ZC3H14: variants seen among roughly 807,000 people sequenced by gnomAD.
ZC3H14 encodes the protein zinc finger CCCH-type containing 14, also known as zinc finger CCCH domain-containing protein 14.
In ZC3H14, 31 loss-of-function variants were observed where a neutral mutation model predicts 92.4. The ratio of observed to expected loss-of-function variants is 0.34; its 90% CI spans 0.25 to 0.45. The LOEUF (loss-of-function observed/expected upper bound fraction) is 0.45, where lower values mean the gene tolerates loss of function less well. Ranked by LOEUF, ZC3H14 falls within the 20% of genes least tolerant of loss-of-function variation. The pLI, the probability that ZC3H14 is intolerant of heterozygous loss-of-function variation, is 1.00. For synonymous variants in ZC3H14, 321 were observed against 300.9 expected, an observed-to-expected ratio of 1.07 and a Z score of -0.69; for missense variants, 781 against 897.3, an observed-to-expected ratio of 0.87 and a Z score of 1.66.
rs2090101080 is a variant in ZC3H14 at position 88,627,594 on chromosome 14, C to T, written c.*15843C>T. Reference sequence around the variant, plus strand: ...ACAAATATTAAATACAGAATTCCTACTACCTTTGTATTCTTGTTTTTTTAA... The same window carrying T: ...ACAAATATTAAATACAGAATTCCTATTACCTTTGTATTCTTGTTTTTTTAA... On this transcript the variant is annotated 3_prime_UTR_variant, in exon 17 of 17. Transcript: ENST00000251038. The T allele has an allele frequency of 6.6e-7, 1 of 1,519,696 alleles. No individual in the cohort carries two copies. The highest frequency in any genetic ancestry group is 8.9e-7 in the Non-Finnish European group (1 of 1,129,930). 94.1% of individuals were successfully genotyped at this position (1,519,696 alleles called of 1,614,324 possible). A position where few individuals can be genotyped will look rare whatever the true frequency, so the allele number is the denominator to read the frequency against.
intron 10 of ZC3H14, among the ~76,000 whole-genome samples, chr14:88,597,091 C>G (rs540936292): frequency 4.6e-5 from 7 of 152,130 alleles, no homozygotes; most frequent in Admixed American, 2.0e-4. Flanking sequence ...GAGTGACCTG[C>G]GTTTCTGATT....
At position 88,596,821 on chromosome 14, in the gene ZC3H14, T is replaced by G; in HGVS notation, c.1354+13T>G. ...CAGATGAGTCAAGGTTGGTAATGTT[T>G]CAAGTTGTACTGTAATCCAGCCATT... On this transcript the variant is annotated intron_variant, in intron 10 of 16. Coordinates refer to ENST00000251038, the MANE Select transcript of ZC3H14 (RefSeq NM_024824.5). 3.7e-6 allele frequency: 6 copies of G among 1,612,216 alleles called. No individual in the cohort carries two copies. In the African/African-American group the frequency reaches 6.7e-5, roughly 18 times the overall value.
In ZC3H14 at chr14:88,572,760, A is replaced by G. The variant is rs748630899; in HGVS notation, c.614A>G (p.Tyr205Cys). 3 of 1,614,196 alleles carry G rather than the reference A, an allele frequency of 1.9e-6. No individual in the cohort carries two copies. Among genetic ancestry groups the G allele is most frequent in the South Asian group, 2.2e-5 (2 of 91,084 alleles). The change falls in exon 6 of 17, where the codon TAT becomes TGT. Residue 205 changes from tyrosine to cysteine, a missense_variant. Physicochemically the swap from Tyr to Cys is radical, Grantham distance 194. Transcript: ENST00000251038. ...SQKKPTVTLT[Y>C]GSSRPSIEIY... ...AAAAAACCTACAGTGACACTTACAT[A>G]TGGTTCTTCTCGCCCTTCTATTGAA... is the stretch of plus-strand genomic sequence containing the variant.
rs1300835601 is a variant in ZC3H14 at position 88,616,458 on chromosome 14, C to A, written c.*4707C>A. The A allele has an allele frequency of 4.9e-6, 3 of 613,544 alleles. No homozygotes were observed. The highest frequency in any genetic ancestry group is 8.4e-6 in the Non-Finnish European group (3 of 355,970). 38.0% of individuals were successfully genotyped at this position (613,544 alleles called of 1,614,324 possible). A position where few individuals can be genotyped will look rare whatever the true frequency, so the allele number is the denominator to read the frequency against. The stretch of plus-strand genomic sequence containing the variant: ...CTCCAGGTACTCTGACCATTTTTCT[C>A]TAAGGAAAAGCATTTGAAATTTGAT... On this transcript the variant is annotated 3_prime_UTR_variant, in exon 17 of 17. Coordinates refer to ENST00000251038, the MANE Select transcript of ZC3H14 (RefSeq NM_024824.5).
intron 9 of ZC3H14, among the ~76,000 whole-genome samples, chr14:88,588,748 T>G (rs1465718548): frequency 2.0e-5 from 3 of 152,204 alleles, no homozygotes; most frequent in Non-Finnish European, 2.9e-5. Context: ...TTCTGTTAGT[T>G]GGATGATAAG....
intron 3 of ZC3H14, 41 bp downstream of exon 3, chr14:88,568,194 A>G: frequency 6.5e-7 from 1 of 1,541,024 alleles, no homozygotes; most frequent in Non-Finnish European, 9.0e-7. Context: ...AAAGTTTGGC[A>G]CAAGCCTGAG....
At chr14:88,563,556 C>G (rs2079161042) in intron 1 of ZC3H14, 95 bp from the exon 2 acceptor site, 2 of 1,581,680 alleles carry the variant, frequency 1.3e-6, no homozygotes, top group Non-Finnish European at 1.7e-6. Flanking sequence ...ATCCGAGGTG[C>G]GCGCACCAGC....
chr14:88,574,628 C>T (rs2080927067), intron 6 of ZC3H14, 65 bp from the exon 7 acceptor site: 2 of 1,588,166 alleles, frequency 1.3e-6, no homozygotes, highest in Non-Finnish European at 8.6e-7. Context: ...AAAATGGAAA[C>T]ATTTTGTGGT....
chr14:88,608,235 A>T, intron 13 of ZC3H14: 1 of 437,228 alleles, frequency 2.3e-6, no homozygotes, highest in Admixed American at 2.4e-5. Flanking sequence ...TACCATCCCC[A>T]TCTCACCCTG....
intron 3 of ZC3H14, among the ~76,000 whole-genome samples, chr14:88,568,663 T>G (rs2080005495): frequency 6.6e-6 from 1 of 152,150 alleles, no homozygotes; most frequent in South Asian, 2.1e-4. Flanking sequence ...AGCCAAACCT[T>G]ATCAGCCTCT....
chr14:88,593,751 A>G (rs1233229537), intron 9 of ZC3H14, among the ~76,000 whole-genome samples: 2 of 152,210 alleles, frequency 1.3e-5, no homozygotes, highest in Non-Finnish European at 2.9e-5. Context: ...CTAAACTTCA[A>G]AACTCTTAGG....
At chr14:88,609,825 A>G (rs2086247810) in intron 15 of ZC3H14, 22 bp downstream of exon 15, 4 of 1,608,464 alleles carry the variant, frequency 2.5e-6, no homozygotes, top group Non-Finnish European at 2.6e-6. Context: ...TATTTTCTCA[A>G]ATCAATTTAG....
chr14:88,574,823 G>A lies in ZC3H14; in HGVS notation c.992G>A (p.Ser331Asn), dbSNP rs762223196. ...TCTCGAACAGGAAGCATCTCCAGCA[G>A]TGTGTCTGTGCCTGCAAAGCCTGAA... ...YGSRTGSISSSVSVPAKPERR... is the reference protein window; with the variant it reads ...YGSRTGSISSNVSVPAKPERR... The change falls in exon 7 of 17, where the codon AGT becomes AAT. Residue 331 changes from serine (S) to asparagine (N), a missense_variant. Ser to Asn is a conservative substitution (Grantham distance 46). Around this residue, in one of 3 missense-constraint regions of ZC3H14, gnomAD observed 454 missense variants for 438.5 expected, o/e 1.04. Transcript: ENST00000251038. The A allele has an allele frequency of 1.9e-6, 3 of 1,614,214 alleles. No individual in the cohort carries two copies.
At chr14:88,601,544 TGG>T (rs1255816707) in intron 10 of ZC3H14, among the ~76,000 whole-genome samples, 3 of 152,242 alleles carry the variant, frequency 2.0e-5, no homozygotes, top group Non-Finnish European at 2.9e-5. Flanking sequence ...TTTGGAAAAG[TGG>T]TTCAGCAGTC....
chr14:88,577,114 A>G (rs1478034620), intron 8 of ZC3H14, among the ~76,000 whole-genome samples: 1 of 152,058 alleles, frequency 6.6e-6, no homozygotes, highest in Non-Finnish European at 1.5e-5. Flanking sequence ...TTTGATCCTG[A>G]TACTTGTCTG....
At chr14:88,600,271 A>G (rs2084422337) in intron 10 of ZC3H14, among the ~76,000 whole-genome samples, 1 of 152,132 alleles carries the variant, frequency 6.6e-6, no homozygotes, top group Admixed American at 6.5e-5. Flanking sequence ...TCTTCCTGTC[A>G]GGTGTGTGAG....
intron 12 of ZC3H14, among the ~76,000 whole-genome samples, chr14:88,604,216 G>A (rs1346175697): frequency 6.6e-6 from 1 of 152,130 alleles, no homozygotes; most frequent in Non-Finnish European, 1.5e-5. Context: ...GGGTATACAT[G>A]TAGCAGCAGT....
In ZC3H14 at chr14:88,596,823, A is replaced by C. The variant is rs2297124; in HGVS notation, c.1354+15A>C. ...GATGAGTCAAGGTTGGTAATGTTTC[A>C]AGTTGTACTGTAATCCAGCCATTTC... On this transcript the variant is annotated intron_variant, in intron 10 of 16. Transcript: ENST00000251038. The C allele has an allele frequency of 1.2e-4, 193 of 1,612,428 alleles. 2 individuals are homozygous for C. The African/African-American group carries it at 2.3e-3, about 19-fold the overall frequency.
chr14:88,585,917 C>T (rs1377484123), intron 9 of ZC3H14, among the ~76,000 whole-genome samples: 1 of 152,018 alleles, frequency 6.6e-6, no homozygotes, highest in East Asian at 1.9e-4. Context: ...GCCTGTAATC[C>T]CAGCACTTTG....
Sources: allele counts gnomAD v4.1 joint callset (sites outside exome capture counted in the v4.1 genomes callset), GRCh38; gene constraint gnomAD v4.1.1; regional missense constraint gnomAD v4.1.1; transcripts MANE v1.5; gene names NCBI Gene and HGNC (gene_info 2026-07-23, HGNC 2026-07-21).